VDR: variants seen among roughly 807,000 people sequenced by gnomAD.
The protein encoded by VDR is vitamin D receptor.
Under a neutral mutation model 39.7 loss-of-function variants are expected in VDR, and 19 were observed. The observed-to-expected ratio is 0.48, with a 90% CI of 0.33 to 0.70. The LOEUF is 0.70. VDR is among the 30% of genes least tolerant of loss of function. The probability of loss-of-function intolerance (pLI) is 0.02; values close to 1 mark genes in which losing one functional copy is unlikely to be tolerated. For missense variants in VDR, 442 were observed against 570.5 expected (o/e 0.77, Z 2.29); for synonymous variants, 242 against 215.8 (o/e 1.12, Z -1.07).
intron 1 of VDR, among the ~76,000 whole-genome samples, chr12:47,884,811 C>G (rs1416875983): frequency 3.9e-5 from 6 of 152,164 alleles, no homozygotes; most frequent in Middle Eastern, 3.4e-3. Context: ...ATCCCCAGGC[C>G]AAGGGATGGC....
chr12:47,859,921 CTTTTTCT>C (rs1565615414), intron 4 of VDR, among the ~76,000 whole-genome samples: 1,855 of 67,232 alleles, frequency 0.028, 89 homozygotes, highest in East Asian at 0.11. Context: ...TTCCTTCTTT[CTTTTTCT>C]TTCTTTCTTT....
intron 7 of VDR, among the ~76,000 whole-genome samples, chr12:47,849,691 T>C (rs998317639): frequency 5.3e-5 from 8 of 152,190 alleles, no homozygotes; most frequent in African/African-American, 1.4e-4. Context: ...AACACAAAAA[T>C]GAACACCATC....
intron 3 of VDR, among the ~76,000 whole-genome samples, chr12:47,869,012 G>T (rs1463430988): frequency 6.6e-6 from 1 of 152,238 alleles, no homozygotes; most frequent in Non-Finnish European, 1.5e-5. Context: ...GCCTATCAGA[G>T]GCCCCGTCTG....
intron 1 of VDR, chr12:47,898,257 A>G (rs1946497894): frequency 6.6e-6 from 1 of 152,236 alleles, no homozygotes; most frequent in African/African-American, 2.4e-5. Context: ...TGAGCCAGAA[A>G]TTGGGTCCCT....
chr12:47,873,285 G>A (rs1399539295), intron 3 of VDR, among the ~76,000 whole-genome samples: 3 of 147,944 alleles, frequency 2.0e-5, no homozygotes, highest in South Asian at 2.1e-4. Context: ...TTTACCTTCC[G>A]CCATGATTGT....
At chr12:47,845,303 G>A (rs1174160876) in intron 9 of VDR, among the ~76,000 whole-genome samples, 1 of 151,626 alleles carries the variant, frequency 6.6e-6, no homozygotes, top group East Asian at 2.0e-4. Context: ...CATGCTCTCT[G>A]GCCACCAGCC....
chr12:47,850,498 C>T (rs1945364562), intron 7 of VDR, among the ~76,000 whole-genome samples: 1 of 152,172 alleles, frequency 6.6e-6, no homozygotes, highest in Non-Finnish European at 1.5e-5. Flanking sequence ...TGGATGCAGG[C>T]CAGAGAGGTT....
intron 3 of VDR, among the ~76,000 whole-genome samples, chr12:47,877,930 G>T (rs1946041162): frequency 6.6e-6 from 1 of 152,220 alleles, no homozygotes; most frequent in Non-Finnish European, 1.5e-5. Context: ...CTCTGGGCCT[G>T]CTGATTCCTG....
At chr12:47,883,757 A>C (rs1282579975) in intron 1 of VDR, among the ~76,000 whole-genome samples, 5 of 151,994 alleles carry the variant, frequency 3.3e-5, no homozygotes, top group African/African-American at 1.2e-4. Flanking sequence ...TTCTTTGGAG[A>C]CCTCTGTCTT....
At chr12:47,904,689 A>G in intron 1 of VDR, 1 of 1,504,416 alleles carries the variant, frequency 6.6e-7, no homozygotes, top group South Asian at 1.2e-5. Context: ...AGTGCTAAGC[A>G]CTGTGTTAGC....
chr12:47,852,482 A>G (rs941032100), intron 7 of VDR, among the ~76,000 whole-genome samples: 2 of 152,216 alleles, frequency 1.3e-5, no homozygotes, highest in South Asian at 2.1e-4. Flanking sequence ...GCTCAGAGCA[A>G]TGCCGGGCTC....
chr12:47,890,381 A>T (rs1946346613), intron 1 of VDR, among the ~76,000 whole-genome samples: 1 of 147,684 alleles, frequency 6.8e-6, no homozygotes, highest in African/African-American at 2.5e-5. Flanking sequence ...TATATTTTAT[A>T]TATATATATA....
intron 7 of VDR, among the ~76,000 whole-genome samples, chr12:47,849,727 C>T (rs942535061): frequency 2.5e-4 from 38 of 152,184 alleles, no homozygotes; most frequent in African/African-American, 8.9e-4. Context: ...ACTCATTATA[C>T]AAGTAAAACA....
At chr12:47,899,392 A>T (rs1031808966) in intron 1 of VDR, among the ~76,000 whole-genome samples, 1 of 152,224 alleles carries the variant, frequency 6.6e-6, no homozygotes, top group Non-Finnish European at 1.5e-5. Flanking sequence ...GACTTACATC[A>T]TCTAATCCTC....
At chr12:47,861,634 T>C (rs929007892) in intron 4 of VDR, among the ~76,000 whole-genome samples, 13 of 152,176 alleles carry the variant, frequency 8.5e-5, no homozygotes. Flanking sequence ...AGAATAAGAG[T>C]AAACAGGTTC....
chr12:47,859,895 T>C (rs1945578856), intron 4 of VDR, among the ~76,000 whole-genome samples: 2 of 36,322 alleles, frequency 5.5e-5, no homozygotes, highest in African/African-American at 3.7e-4. Flanking sequence ...CCTTCCTTCC[T>C]TCCTTCCTTC....
chr12:47,892,327 A>G (rs2137236041), intron 1 of VDR, among the ~76,000 whole-genome samples: 1 of 152,324 alleles, frequency 6.6e-6, no homozygotes, highest in African/African-American at 2.4e-5. Flanking sequence ...GCTTCTCAGG[A>G]CCTGGGCCAC....
intron 4 of VDR, among the ~76,000 whole-genome samples, chr12:47,863,562 C>T (rs1226454403): frequency 6.6e-6 from 1 of 152,224 alleles, no homozygotes; most frequent in Admixed American, 6.5e-5. Flanking sequence ...CTGAGCAGGG[C>T]CCACTGAGAA....
intron 4 of VDR, among the ~76,000 whole-genome samples, chr12:47,858,800 G>A (rs1246117144): frequency 1.3e-5 from 2 of 152,266 alleles, no homozygotes; most frequent in Non-Finnish European, 2.9e-5. Flanking sequence ...CAGAAGCCCA[G>A]GGTGGGTGAG....
Sources: gnomAD v4.1 joint callset for allele counts (sites outside exome capture counted in the v4.1 genomes callset) on GRCh38, gnomAD v4.1.1 for gene constraint, MANE v1.5 for transcripts, NCBI Gene and HGNC (gene_info 2026-07-23, HGNC 2026-07-21) for gene names.